The following SYT1 variants were observed in gnomAD, a reference collection of about 807,000 sequenced individuals.
SYT1 encodes the protein synaptotagmin 1.
In SYT1, 8 loss-of-function variants were observed where a neutral mutation model predicts 44.8. That is an observed-to-expected ratio of 0.18 (90% CI 0.10 to 0.32). The LOEUF (loss-of-function observed/expected upper bound fraction) is 0.32, where lower values mean the gene tolerates loss of function less well. Among genes scored for constraint, SYT1 ranks in the 10% least tolerant of loss-of-function variants. SYT1 has a pLI of 1.00. For synonymous variants in SYT1, 154 were observed against 188.8 expected, an observed-to-expected ratio of 0.82 and a Z score of 1.51; for missense variants, 286 against 509.3, an observed-to-expected ratio of 0.56 and a Z score of 4.22.
intron 1 of SYT1, among the ~76,000 whole-genome samples, chr12:78,974,222 A>G (rs1189116602): frequency 2.0e-4 from 30 of 151,016 alleles, no homozygotes; most frequent in Non-Finnish European, 5.9e-5. Flanking sequence ...GTATTGAAAC[A>G]TAGTACAGTA....
chr12:79,162,946 C>A (rs1871037987), intron 3 of SYT1, among the ~76,000 whole-genome samples: 1 of 152,052 alleles, frequency 6.6e-6, no homozygotes, highest in African/African-American at 2.4e-5. Flanking sequence ...ATGTACTGTG[C>A]ACAGATACAA....
intron 3 of SYT1, among the ~76,000 whole-genome samples, chr12:79,165,121 G>A (rs554931116): frequency 1.1e-4 from 16 of 151,934 alleles, no homozygotes; most frequent in Middle Eastern, 3.4e-3. Flanking sequence ...GTTTAGAAAC[G>A]TAATTTTTCT....
chr12:79,438,957 A>G (rs1327878668), intron 9 of SYT1, among the ~76,000 whole-genome samples: 1 of 152,206 alleles, frequency 6.6e-6, no homozygotes, highest in East Asian at 1.9e-4. Context: ...GAGTTTTCTC[A>G]GAGTAGAAAG....
chr12:78,936,956 C>T (rs1435554113), intron 1 of SYT1, among the ~76,000 whole-genome samples: 2 of 152,154 alleles, frequency 1.3e-5, no homozygotes, highest in Non-Finnish European at 2.9e-5. Context: ...AATAGGAGCT[C>T]TATCTTCCTT....
At chr12:79,241,431 C>A (rs1317132197) in intron 4 of SYT1, among the ~76,000 whole-genome samples, 1 of 151,848 alleles carries the variant, frequency 6.6e-6, no homozygotes, top group Non-Finnish European at 1.5e-5. Context: ...CCACCATGCC[C>A]GGCTAATTTT....
At chr12:79,295,381 AAC>A (rs1257336783) in intron 6 of SYT1, among the ~76,000 whole-genome samples, 3 of 152,144 alleles carry the variant, frequency 2.0e-5, no homozygotes, top group African/African-American at 7.2e-5. Flanking sequence ...AAAAATAAAA[AAC>A]ACAGTTACTC....
At chr12:79,072,869 G>T (rs970139228) in intron 3 of SYT1, among the ~76,000 whole-genome samples, 1 of 152,092 alleles carries the variant, frequency 6.6e-6, no homozygotes, top group African/African-American at 2.4e-5. Flanking sequence ...CCAAGTCTCT[G>T]CCCTCAAATA....
chr12:78,958,497 C>T (rs1039250640), intron 1 of SYT1, among the ~76,000 whole-genome samples: 2 of 151,954 alleles, frequency 1.3e-5, no homozygotes, highest in African/African-American at 4.8e-5. Context: ...GAGTTGGAGA[C>T]CAGCCTGGCC....
intron 4 of SYT1, among the ~76,000 whole-genome samples, chr12:79,255,450 T>C (rs1467292464): frequency 6.6e-6 from 1 of 152,212 alleles, no homozygotes; most frequent in African/African-American, 2.4e-5. Flanking sequence ...AAACCAAAAA[T>C]TCATGTGACT....
chr12:79,084,268 A>C (rs1006577938), intron 3 of SYT1, among the ~76,000 whole-genome samples: 11 of 152,298 alleles, frequency 7.2e-5, no homozygotes, highest in African/African-American at 2.6e-4. Context: ...TGATGGACAC[A>C]TAGTTTATTC....
At chr12:78,939,309 A>C (rs1878230761) in intron 1 of SYT1, among the ~76,000 whole-genome samples, 1 of 152,176 alleles carries the variant, frequency 6.6e-6, no homozygotes, top group Non-Finnish European at 1.5e-5. Flanking sequence ...CACCTTTTGA[A>C]CTTGCAAAGT....
intron 3 of SYT1, among the ~76,000 whole-genome samples, chr12:79,175,789 A>G (rs113875261): frequency 0.011 from 1,646 of 152,162 alleles, 33 homozygotes; most frequent in African/African-American, 0.037. Flanking sequence ...CCCCTCTATC[A>G]GTAGGCATAA....
At chr12:78,917,394 C>T (rs1168379853) in intron 1 of SYT1, among the ~76,000 whole-genome samples, 1 of 151,786 alleles carries the variant, frequency 6.6e-6, no homozygotes, top group Non-Finnish European at 1.5e-5. Context: ...GTCTGAACAT[C>T]ACAGCAAAAG....
At chr12:79,059,100 A>G (rs963991203) in intron 3 of SYT1, among the ~76,000 whole-genome samples, 3 of 152,072 alleles carry the variant, frequency 2.0e-5, no homozygotes, top group Non-Finnish European at 4.4e-5. Context: ...CACATCTTAC[A>G]TGGCAGCAGG....
chr12:79,251,304 C>T (rs564427876), intron 4 of SYT1, among the ~76,000 whole-genome samples: 70 of 151,948 alleles, frequency 4.6e-4, no homozygotes, highest in African/African-American at 1.7e-3. Context: ...AATTTGAGTG[C>T]TTTTACCAAA....
intron 1 of SYT1, among the ~76,000 whole-genome samples, chr12:78,945,031 G>C (rs1878575496): frequency 6.6e-6 from 1 of 152,054 alleles, no homozygotes. Context: ...TACCAATCCT[G>C]GAAATGTGTG....
intron 1 of SYT1, among the ~76,000 whole-genome samples, chr12:78,866,562 T>G (rs916001682): frequency 5.3e-5 from 8 of 152,224 alleles, no homozygotes; most frequent in African/African-American, 1.4e-4. Flanking sequence ...CAGTCTCTAA[T>G]TCCATCATTG....
At chr12:79,134,455 A>T (rs923329678) in intron 3 of SYT1, among the ~76,000 whole-genome samples, 1 of 152,152 alleles carries the variant, frequency 6.6e-6, no homozygotes, top group Non-Finnish European at 1.5e-5. Context: ...AACAATGAAG[A>T]TTTTGTACTT....
At chr12:78,900,373 G>T (rs979068375) in intron 1 of SYT1, among the ~76,000 whole-genome samples, 9 of 152,074 alleles carry the variant, frequency 5.9e-5, no homozygotes, top group African/African-American at 2.2e-4. Context: ...TATAACTATG[G>T]TGAAATCAGG....
Sources: gnomAD v4.1 joint callset for allele counts (sites outside exome capture counted in the v4.1 genomes callset) on GRCh38, gnomAD v4.1.1 for gene constraint, MANE v1.5 for transcripts, NCBI Gene and HGNC (gene_info 2026-07-23, HGNC 2026-07-21) for gene names.